The following NRXN2 variants were observed in gnomAD, a reference collection of about 807,000 sequenced individuals.
NRXN2 encodes the protein neurexin-2-beta.
NRXN2 carries 29 observed loss-of-function variants against 128.8 expected under a neutral mutation model. That is an observed-to-expected ratio of 0.23 (90% CI 0.17 to 0.31). The LOEUF is 0.31. NRXN2 is among the 10% of genes least tolerant of loss of function. NRXN2 has a pLI of 1.00. For synonymous variants in NRXN2, 1,098 were observed against 1,075.2 expected (o/e 1.02, Z -0.41); for missense variants, 1,881 against 2,452.6 (o/e 0.77, Z 4.92).
chr11:64,625,556 T>G (rs926514112), intron 20 of NRXN2, among the ~76,000 whole-genome samples: 1 of 152,180 alleles, frequency 6.6e-6, no homozygotes, highest in Admixed American at 6.5e-5. Flanking sequence ...AAGGCCCCAG[T>G]GGACATTTAA....
chr11:64,648,933 G>T lies in NRXN2; in HGVS notation c.3110-26C>A. On this transcript the variant is annotated intron_variant, in intron 15 of 22. Transcript: ENST00000265459. The surrounding 1 kb of genome is among the most constrained non-coding windows in gnomAD (Gnocchi z 4.1). ...CTGCAAAGGGAGTGGGTCAACCAAG[G>T]CATCCAGGTCCCCATTCCCATCCCA... is the stretch of plus-strand genomic sequence containing the variant. The T allele has an allele frequency of 1.2e-6, 2 of 1,613,470 alleles. No individual in the cohort carries two copies. Among genetic ancestry groups the T allele is most frequent in the Non-Finnish European group, 1.7e-6 (2 of 1,179,516 alleles).
chr11:64,701,821 G>T (rs1592219764), intron 2 of NRXN2, among the ~76,000 whole-genome samples: 1 of 149,776 alleles, frequency 6.7e-6, no homozygotes, highest in Non-Finnish European at 1.5e-5. Context: ...TCCGGCAGGT[G>T]AGGGGCGCCT....
intron 2 of NRXN2, among the ~76,000 whole-genome samples, chr11:64,698,776 C>G (rs1185968973): frequency 1.3e-5 from 2 of 152,232 alleles, no homozygotes; most frequent in Non-Finnish European, 1.5e-5. Context: ...AAGATGGAGA[C>G]AATTCCTTCA....
chr11:64,713,531 G>A lies in NRXN2; in HGVS notation c.169C>T (p.Leu57=). Residue 57 remains leucine (L), a synonymous_variant, in exon 2 of 23, where the codon CTG becomes TTG. Coordinates refer to ENST00000265459, the MANE Select transcript of NRXN2 (RefSeq NM_015080.4). ...AASSGELSFS[L]RTNATRALLL... ...AGCGCGCGCGTGGCGTTGGTGCGCA[G>A]GCTGAAGCTGAGCTCGCCGCTGCTC... The A allele has an allele frequency of 6.7e-7, 1 of 1,488,062 alleles. No homozygotes were observed. Among genetic ancestry groups the A allele is most frequent in the Non-Finnish European group, 8.9e-7 (1 of 1,124,804 alleles). 92.2% of individuals were successfully genotyped at this position (1,488,062 alleles called of 1,614,324 possible).
chr11:64,697,592 C>T (rs1445743494), intron 3 of NRXN2, among the ~76,000 whole-genome samples, 183 bp downstream of exon 3: 1 of 152,136 alleles, frequency 6.6e-6, no homozygotes, highest in African/African-American at 2.4e-5. Flanking sequence ...TCCCCCGAAA[C>T]TCATGAAGAG....
At chr11:64,700,000 T>C (rs1565445222) in intron 2 of NRXN2, among the ~76,000 whole-genome samples, 1 of 152,204 alleles carries the variant, frequency 6.6e-6, no homozygotes, top group Non-Finnish European at 1.5e-5. Context: ...ACAACCAGGC[T>C]TGGTTTGTTT....
At chr11:64,625,712 G>A (rs1040734792) in intron 20 of NRXN2, among the ~76,000 whole-genome samples, 3 of 152,116 alleles carry the variant, frequency 2.0e-5, no homozygotes, top group Non-Finnish European at 4.4e-5. Context: ...TTGGTAACAA[G>A]AAGCCTTCTC....
intron 19 of NRXN2, among the ~76,000 whole-genome samples, chr11:64,629,629 C>T (rs1013370874): frequency 2.6e-5 from 4 of 152,116 alleles, no homozygotes; most frequent in Admixed American, 2.6e-4. Context: ...TGTCCTTGGC[C>T]GCCACAGCTG....
At chr11:64,674,591 T>C (rs964527706) in intron 7 of NRXN2, among the ~76,000 whole-genome samples, 1 of 152,224 alleles carries the variant, frequency 6.6e-6, no homozygotes, top group Non-Finnish European at 1.5e-5. Flanking sequence ...TCATTCATTT[T>C]TCTTCCTCTT....
chr11:64,695,405 A>G (rs1024147395), intron 3 of NRXN2, among the ~76,000 whole-genome samples: 2 of 152,060 alleles, frequency 1.3e-5, no homozygotes, highest in African/African-American at 4.8e-5. Flanking sequence ...TTCCTGGAGA[A>G]AGCTAGGCCT....
chr11:64,688,319 C>T (rs1001860641), intron 5 of NRXN2: 4 of 985,344 alleles, frequency 4.1e-6, no homozygotes, highest in South Asian at 4.7e-5. Context: ...AGCCCAGAGA[C>T]GCCAAGAGGC....
chr11:64,696,427 T>G (rs1265684444), intron 3 of NRXN2, among the ~76,000 whole-genome samples: 1 of 151,952 alleles, frequency 6.6e-6, no homozygotes, highest in Non-Finnish European at 1.5e-5. Flanking sequence ...CCATGTTACG[T>G]GTACACAGCA....
chr11:64,609,693 G>A (rs1946420665), intron 22 of NRXN2, among the ~76,000 whole-genome samples: 1 of 152,228 alleles, frequency 6.6e-6, no homozygotes, highest in Non-Finnish European at 1.5e-5. Flanking sequence ...AAGGGAGCTG[G>A]GGCTCAGCTC....
intron 7 of NRXN2, 118 bp downstream of exon 7, chr11:64,676,875 A>C: frequency 1.3e-6 from 1 of 793,486 alleles, no homozygotes; most frequent in Non-Finnish European, 2.2e-6. Context: ...GCAAAAAACA[A>C]TTGGAAGAGC....
In NRXN2 at chr11:64,630,166, T is replaced by C. The variant is rs1231699489; in HGVS notation, c.3757+236A>G. On this transcript the variant is annotated intron_variant, in intron 19 of 22. Transcript: ENST00000265459. This position sits in a 1 kb window ranked among gnomAD's most constrained non-coding sequence, Gnocchi z 4.6. ...CAGCTCAGCCCTGCACCCTCCCCCATAGGGGGCGCATTCGCACCACCACGG... is the reference window on the plus strand; with the variant it reads ...CAGCTCAGCCCTGCACCCTCCCCCACAGGGGGCGCATTCGCACCACCACGG... Among the ~76,000 whole-genome samples the C allele has an allele frequency of 2.2e-5, 3 of 138,858 alleles. No homozygotes were observed. Among genetic ancestry groups the C allele is most frequent in the East Asian group, 2.5e-4 (1 of 3,990 alleles). 91.1% of individuals were successfully genotyped at this position (138,858 alleles called of 152,430 possible).
chr11:64,655,560 G>A (rs549461), intron 11 of NRXN2, among the ~76,000 whole-genome samples: 28,472 of 152,082 alleles, frequency 0.19, 3,270 homozygotes, highest in Non-Finnish European at 0.24. Context: ...AAAGAAAAAA[G>A]GGGAGGCTGG....
At chr11:64,629,261 T>G (rs2043519174) in intron 19 of NRXN2, among the ~76,000 whole-genome samples, 1 of 152,178 alleles carries the variant, frequency 6.6e-6, no homozygotes, top group Non-Finnish European at 1.5e-5. Flanking sequence ...GTGACTGCAA[T>G]GTCGCTCAGA....
chr11:64,678,138 AAGAG>A (rs2051626068), intron 6 of NRXN2, among the ~76,000 whole-genome samples: 1 of 152,040 alleles, frequency 6.6e-6, no homozygotes, highest in Non-Finnish European at 1.5e-5. Context: ...TTAAGAAAGG[AAGAG>A]AGAGTGAGTC....
chr11:64,695,625 G>A (rs1255661666), intron 3 of NRXN2, among the ~76,000 whole-genome samples: 1 of 152,042 alleles, frequency 6.6e-6, no homozygotes, highest in Non-Finnish European at 1.5e-5. Context: ...TCGAAATAAA[G>A]ATGGTGATAG....
Sources: gnomAD v4.1 joint callset for allele counts (sites outside exome capture counted in the v4.1 genomes callset) on GRCh38, gnomAD v4.1.1 for gene constraint, Gnocchi (gnomAD v3.1) non-coding constraint, MANE v1.5 for transcripts, NCBI Gene and HGNC (gene_info 2026-07-23, HGNC 2026-07-21) for gene names.